Variants in PPP6R3 observed in about 807,000 individuals in gnomAD.
PPP6R3 encodes the protein serine/threonine-protein phosphatase 6 regulatory subunit 3.
PPP6R3 carries 38 observed loss-of-function variants against 110.7 expected under a neutral mutation model. The ratio of observed to expected loss-of-function variants is 0.34; its 90% CI spans 0.26 to 0.45. The LOEUF (loss-of-function observed/expected upper bound fraction) is 0.45. Ranked by LOEUF, PPP6R3 falls within the 20% of genes least tolerant of loss-of-function variation. The probability of loss-of-function intolerance (pLI) is 1.00; values close to 1 mark genes in which losing one functional copy is unlikely to be tolerated. For missense variants in PPP6R3, 870 were observed against 1,062.4 expected, an observed-to-expected ratio of 0.82 and a Z score of 2.52; for synonymous variants, 369 against 373.5, an observed-to-expected ratio of 0.99 and a Z score of 0.14.
intron 1 of PPP6R3, among the ~76,000 whole-genome samples, chr11:68,472,571 G>C (rs895164274): frequency 6.7e-6 from 1 of 150,032 alleles, no homozygotes; most frequent in Non-Finnish European, 1.5e-5. Flanking sequence ...GGTATTGTCA[G>C]ACTTTAATAT....
chr11:68,588,215 G>A (rs1354495519), intron 16 of PPP6R3, among the ~76,000 whole-genome samples, 191 bp downstream of exon 16: 2 of 152,132 alleles, frequency 1.3e-5, no homozygotes, highest in Non-Finnish European at 2.9e-5. Context: ...TAACACTGCA[G>A]TGGCCGGGTG....
intron 1 of PPP6R3, among the ~76,000 whole-genome samples, chr11:68,487,580 A>C (rs535414228): frequency 6.6e-6 from 1 of 152,218 alleles, no homozygotes; most frequent in South Asian, 2.1e-4. Context: ...AAAAAAAAAA[A>C]ATTGTATTTT....
At chr11:68,474,327 T>A (rs1187430626) in intron 1 of PPP6R3, among the ~76,000 whole-genome samples, 2 of 152,242 alleles carry the variant, frequency 1.3e-5, no homozygotes, top group Non-Finnish European at 2.9e-5. Context: ...ATTACAGGCA[T>A]GTGCCACTGC....
intron 1 of PPP6R3, among the ~76,000 whole-genome samples, chr11:68,496,853 CTTTTTTTT>C (rs1157617908): frequency 2.1e-4 from 13 of 61,270 alleles, no homozygotes; most frequent in Non-Finnish European, 3.0e-4. Context: ...ATATTCTTGT[CTTTTTTTT>C]TTTTTTTTTT....
At chr11:68,585,136 G>A (rs1478317779) in intron 15 of PPP6R3, among the ~76,000 whole-genome samples, 1 of 152,180 alleles carries the variant, frequency 6.6e-6, no homozygotes, top group Non-Finnish European at 1.5e-5. Context: ...GCCTCCAGGC[G>A]TTTGTGCCCT....
rs186098896 is a variant in PPP6R3 at position 68,474,337 on chromosome 11, C to A, written c.-158+13510C>A. On this transcript the variant is annotated intron_variant, in intron 1 of 23. Coordinates refer to ENST00000393800, the MANE Select transcript of PPP6R3 (RefSeq NM_001164161.2). ...TTGGGATTACAGGCATGTGCCACTGCGTCCAGCCTGATTATCTTTTAAATA... is the reference window on the plus strand; with the variant it reads ...TTGGGATTACAGGCATGTGCCACTGAGTCCAGCCTGATTATCTTTTAAATA... 1.4e-3 allele frequency among the ~76,000 whole-genome samples: 211 copies of A among 152,302 alleles called. 6 individuals carry two copies. The highest frequency in any genetic ancestry group is 0.012 in the Admixed American group (190 of 15,294).
chr11:68,565,618 C>T (rs1029895440), intron 9 of PPP6R3, among the ~76,000 whole-genome samples: 2 of 151,744 alleles, frequency 1.3e-5, no homozygotes, highest in African/African-American at 4.8e-5. Context: ...AGGGCCTGAC[C>T]TGTGTCTTAG....
chr11:68,584,168 G>T (rs2099570998), intron 15 of PPP6R3, among the ~76,000 whole-genome samples: 1 of 152,210 alleles, frequency 6.6e-6, no homozygotes, highest in Admixed American at 6.5e-5. Flanking sequence ...GATTTCCGGA[G>T]GTTAGGGTCA....
chr11:68,599,658 T>G (rs1173569613), intron 19 of PPP6R3, among the ~76,000 whole-genome samples: 1 of 152,246 alleles, frequency 6.6e-6, no homozygotes, highest in African/African-American at 2.4e-5. Flanking sequence ...TAATTTAGAT[T>G]TATAGAAACA....
intron 3 of PPP6R3, among the ~76,000 whole-genome samples, chr11:68,541,134 A>G (rs1439049894): frequency 1.3e-5 from 2 of 152,254 alleles, no homozygotes; most frequent in Non-Finnish European, 2.9e-5. Flanking sequence ...AAGAAATCAC[A>G]AAAGTATTAA....
At chr11:68,539,015 G>A (rs1241922687) in intron 3 of PPP6R3, among the ~76,000 whole-genome samples, 1 of 152,228 alleles carries the variant, frequency 6.6e-6, no homozygotes, top group African/African-American at 2.4e-5. Context: ...AGCTACTCGG[G>A]AGGCTGAGGC....
chr11:68,500,875 A>G (rs2099045118), intron 1 of PPP6R3, among the ~76,000 whole-genome samples: 1 of 152,242 alleles, frequency 6.6e-6, no homozygotes, highest in Non-Finnish European at 1.5e-5. Flanking sequence ...CTTCTAACCT[A>G]AATCACATTG....
In PPP6R3 at chr11:68,571,075, T is replaced by G; in HGVS notation, c.1314T>G (p.Leu438=). The G allele has an allele frequency of 1.9e-6, 3 of 1,598,664 alleles. No homozygotes were observed. The highest frequency in any genetic ancestry group is 2.6e-6 in the Non-Finnish European group (3 of 1,175,630). The change falls in exon 12 of 24, where the codon CTT becomes CTG. Residue 438 remains leucine (L), a synonymous_variant. Transcript: ENST00000393800. ...AATGTCAATTAATAGAACGAATACT[T>G]GAAGCCTGGGAAATGAATGAGAAGA... ...FQKCQLIERI[L]EAWEMNEKKQ...
Position 68,600,428 on chromosome 11 carries a change from C to T in PPP6R3, c.2126C>T (p.Thr709Ile). 2 of 1,614,192 alleles carry T rather than the reference C, an allele frequency of 1.2e-6. No homozygotes were observed. Among genetic ancestry groups the T allele is most frequent in the Non-Finnish European group, 1.7e-6 (2 of 1,180,028 alleles). ...TCTGTGGGATCTGATGTCTGGAGCA[C>T]AGAGGAGCCGATGCCAACTAAAGAG... is the stretch of plus-strand genomic sequence containing the variant. Reference protein sequence around the residue: ...LDSVGSDVWSTEEPMPTKETG... With the variant: ...LDSVGSDVWSIEEPMPTKETG... Residue 709 changes from threonine to isoleucine, a missense_variant, in exon 20 of 24, where the codon ACA becomes ATA. Coordinates refer to ENST00000393800, the MANE Select transcript of PPP6R3 (RefSeq NM_001164161.2).
chr11:68,461,028 C>T (rs373161404), intron 1 of PPP6R3, among the ~76,000 whole-genome samples: 2 of 151,780 alleles, frequency 1.3e-5, no homozygotes, highest in South Asian at 4.1e-4. Flanking sequence ...TCCCCGTCCG[C>T]TCCTGTTAGC....
intron 1 of PPP6R3, among the ~76,000 whole-genome samples, chr11:68,491,600 T>A (rs2098984774): frequency 6.6e-6 from 1 of 152,046 alleles, no homozygotes; most frequent in African/African-American, 2.4e-5. Flanking sequence ...TCCTCCTACT[T>A]CAGCCTCCTA....
At chr11:68,513,785 C>A (rs1565527827) in intron 1 of PPP6R3, among the ~76,000 whole-genome samples, 1 of 152,160 alleles carries the variant, frequency 6.6e-6, no homozygotes. Context: ...ACATTTGACT[C>A]CACAAAAGTA....
intron 16 of PPP6R3, among the ~76,000 whole-genome samples, chr11:68,590,201 A>G (rs1401668506): frequency 6.6e-6 from 1 of 152,182 alleles, no homozygotes; most frequent in Non-Finnish European, 1.5e-5. Flanking sequence ...TTTCTAGATG[A>G]TATCTTGTTA....
intron 7 of PPP6R3, among the ~76,000 whole-genome samples, chr11:68,557,110 G>A (rs568880620): frequency 3.6e-4 from 55 of 152,332 alleles, no homozygotes; most frequent in African/African-American, 1.3e-3. Context: ...TGAGGCTGCT[G>A]TTGAAAGAAA....
Sources: allele counts gnomAD v4.1 joint callset (sites outside exome capture counted in the v4.1 genomes callset), GRCh38; gene constraint gnomAD v4.1.1; transcripts MANE v1.5; gene names NCBI Gene and HGNC (gene_info 2026-07-23, HGNC 2026-07-21).